The following DOCK6 variants were observed in gnomAD, a reference collection of about 807,000 sequenced individuals.
The protein encoded by DOCK6 is dedicator of cytokinesis protein 6.
In DOCK6, 167 loss-of-function variants were observed where a neutral mutation model predicts 230.3. That is an observed-to-expected ratio of 0.73 (90% CI 0.64 to 0.82). The LOEUF is 0.82. Ranked by LOEUF, DOCK6 falls within the 40% of genes least tolerant of loss-of-function variation. The probability of loss-of-function intolerance (pLI) is 0.00; values close to 1 mark genes in which losing one functional copy is unlikely to be tolerated. For missense variants in DOCK6, 2,598 were observed against 2,825.8 expected, an observed-to-expected ratio of 0.92 and a Z score of 1.83; for synonymous variants, 1,148 against 1,185.0, an observed-to-expected ratio of 0.97 and a Z score of 0.64.
rs551173892 is a variant in DOCK6, at chr19:11,247,940, A to G, written c.806+126T>C. On this transcript the variant is annotated intron_variant, in intron 7 of 47. Transcript: ENST00000294618. Reference sequence around the variant, plus strand: ...TCTTCCTTCCCCCATAAAAGCCCATACATAGGTGGCCACATAGGTGACAGG... The same window carrying G: ...TCTTCCTTCCCCCATAAAAGCCCATGCATAGGTGGCCACATAGGTGACAGG... The G allele has an allele frequency of 2.1e-5, 16 of 769,160 alleles. No homozygotes were observed. In the African/African-American group the frequency reaches 2.6e-4, roughly 12 times the overall value. The allele number at this position is 769,160 out of a possible 1,614,324, so 47.6% of individuals were successfully genotyped here. A position where few individuals can be genotyped will look rare whatever the true frequency, so the allele number is the denominator to read the frequency against.
intron 14 of DOCK6, among the ~76,000 whole-genome samples, chr19:11,239,146 G>C (rs2079898812): frequency 6.6e-6 from 1 of 152,068 alleles, no homozygotes; most frequent in African/African-American, 2.4e-5. Context: ...TTGGAGATCA[G>C]GCTGTGTGAC....
intron 14 of DOCK6, chr19:11,240,290 C>G (rs1218041215): frequency 6.3e-7 from 1 of 1,575,504 alleles, no homozygotes; most frequent in East Asian, 2.3e-5. Context: ...AATTTGAGGT[C>G]TTAAAGGTAA....
At position 11,221,917 on chromosome 19, in the gene DOCK6, C is replaced by T; in HGVS notation, c.3484G>A (p.Ala1162Thr). The T allele has an allele frequency of 3.1e-6, 5 of 1,613,436 alleles. No homozygotes were observed. The South Asian group carries it at 4.4e-5, about 14-fold the overall frequency. ...GATAGCAGTGGCAGGTACAGCTCGG[C>T]CACACGAGCCTTCACAGTGGCCTCG... is the stretch of plus-strand genomic sequence containing the variant. ...YAEATVKARV[A>T]ELYLPLLSIA... The change falls in exon 28 of 48, where the codon GCC (alanine) becomes ACC (threonine). Residue 1162 changes from alanine to threonine, a missense_variant. Physicochemically the swap from Ala to Thr is moderately conservative, Grantham distance 58. Transcript: ENST00000294618.
At chr19:11,241,376 T>G in intron 14 of DOCK6, 1 of 983,804 alleles carries the variant, frequency 1.0e-6, no homozygotes, top group Non-Finnish European at 1.6e-6. Flanking sequence ...AATGAGGGGC[T>G]GGGGCAGAGG....
chr19:11,236,979 C>G lies in DOCK6; in HGVS notation c.2074-100G>C. ...TTGCGACACTGCAGCGTGAGTGTAG[C>G]CCGGTCTGGGGGTGCAGCCAAGCAC... On this transcript the variant is annotated intron_variant, in intron 18 of 47. Transcript: ENST00000294618. This position sits in a 1 kb window ranked among gnomAD's most constrained non-coding sequence, Gnocchi z 5.2. 1.5e-6 allele frequency: 2 copies of G among 1,298,778 alleles called. No homozygotes were observed. Among genetic ancestry groups the G allele is most frequent in the Non-Finnish European group, 2.1e-6 (2 of 949,328 alleles). 80.5% of individuals were successfully genotyped at this position (1,298,778 alleles called of 1,614,324 possible). A position where few individuals can be genotyped will look rare whatever the true frequency, so the allele number is the denominator to read the frequency against.
intron 34 of DOCK6, among the ~76,000 whole-genome samples, chr19:11,214,002 C>G (rs1243932215): frequency 1.3e-5 from 2 of 151,544 alleles, no homozygotes; most frequent in Non-Finnish European, 2.9e-5. Context: ...AGGCTGGTCT[C>G]GAACTCCTAG....
At chr19:11,203,875 A>G in intron 41 of DOCK6, 1 of 644,962 alleles carries the variant, frequency 1.6e-6, no homozygotes, top group Non-Finnish European at 2.6e-6. Context: ...GGTGAGTCAC[A>G]AGCTGCCCTC....
intron 21 of DOCK6, among the ~76,000 whole-genome samples, chr19:11,233,970 G>T (rs879305041): frequency 5.3e-5 from 8 of 151,868 alleles, no homozygotes; most frequent in Non-Finnish European, 1.2e-4. Flanking sequence ...GAGTAGCTAG[G>T]ATTACAAGCA....
intron 33 of DOCK6, 64 bp from the exon 34 acceptor site, chr19:11,214,473 G>C: frequency 6.2e-7 from 1 of 1,613,610 alleles, no homozygotes; most frequent in Non-Finnish European, 8.5e-7. Flanking sequence ...GAAAGGGAAG[G>C]AGAGGGATTA....
At chr19:11,237,435 C>G (rs1054624555) in intron 18 of DOCK6, 21 bp downstream of exon 18, 1 of 1,613,112 alleles carries the variant, frequency 6.2e-7, no homozygotes, top group Admixed American at 1.7e-5. Context: ...CATTGGCAGG[C>G]AGGAGCTCCA....
At chr19:11,246,504 C>T (rs2080036892) in intron 7 of DOCK6, among the ~76,000 whole-genome samples, 1 of 152,048 alleles carries the variant, frequency 6.6e-6, no homozygotes, top group South Asian at 2.1e-4. Context: ...CCAGGCTGGT[C>T]CCACCCGCCT....
At chr19:11,228,185 A>G (rs2079701262) in intron 23 of DOCK6, among the ~76,000 whole-genome samples, 1 of 151,834 alleles carries the variant, frequency 6.6e-6, no homozygotes, top group African/African-American at 2.4e-5. Flanking sequence ...TAACTTTTGT[A>G]TTTTTAGTAG....
Position 11,242,193 on chromosome 19 carries a change from CG to C in DOCK6, c.1494del (p.Ile498MetfsTer80). 6.8e-7 allele frequency: 1 copy of C among 1,460,862 alleles called. No homozygotes were observed. Among genetic ancestry groups the C allele is most frequent in the East Asian group, 2.5e-5 (1 of 40,228 alleles). The allele number at this position is 1,460,862 out of a possible 1,614,324, so 90.5% of individuals were successfully genotyped here. ...RLRPVTAQLK[I>X]DISPAPENPH... ...GGATTTTCAGGAGCCGGAGAAATGT[CG>C]ATCTTGAGCTGGGCTGGGAAGGGAA... On this transcript the variant is annotated frameshift_variant, in exon 14 of 48. Transcript: ENST00000294618. LOFTEE classifies it high-confidence loss of function.
Position 11,221,838 on chromosome 19 carries a change from C to A in DOCK6, c.3550+13G>T. ...CTGGATCATGTGACCCCATCTTCCC[C>A]TGGCCCACTGACCAGCAAAGTCATG... On this transcript the variant is annotated intron_variant, in intron 28 of 47. Transcript: ENST00000294618. 1 of 1,613,658 alleles carries A rather than the reference C, an allele frequency of 6.2e-7. No individual in the cohort carries two copies. The highest frequency in any genetic ancestry group is 1.1e-5 in the South Asian group (1 of 91,074).
chr19:11,249,742 T>C (rs1238671297), intron 6 of DOCK6, among the ~76,000 whole-genome samples: 2 of 148,158 alleles, frequency 1.3e-5, no homozygotes, highest in African/African-American at 5.0e-5. Flanking sequence ...CTAAAAAAAA[T>C]ACAAAATTAG....
At position 11,204,347 on chromosome 19, in the gene DOCK6, G is replaced by A. The variant is rs774774905; in HGVS notation, c.5089-16C>T. 3 of 1,608,114 alleles carry A rather than the reference G, an allele frequency of 1.9e-6. No homozygotes were observed. In the South Asian group the frequency reaches 3.3e-5, roughly 18 times the overall value. On this transcript the variant is annotated splice_polypyrimidine_tract_variant and intron_variant, in intron 39 of 47. Coordinates refer to ENST00000294618, the MANE Select transcript of DOCK6 (RefSeq NM_020812.4). ...AGAGCCCGCCCTGAGGGTGAGGTGG[G>A]GTCAGGATTCCCCAAACTGTCTTCC...
intron 1 of DOCK6, among the ~76,000 whole-genome samples, chr19:11,259,285 C>A (rs2080245329): frequency 6.6e-6 from 1 of 152,070 alleles, no homozygotes; most frequent in African/African-American, 2.4e-5. Context: ...CTCCTGGCCT[C>A]CCAAAGTGGT....
At chr19:11,209,439 C>G (rs1226583806) in intron 37 of DOCK6, among the ~76,000 whole-genome samples, 1 of 151,924 alleles carries the variant, frequency 6.6e-6, no homozygotes, top group Non-Finnish European at 1.5e-5. Context: ...TCACGTGTAT[C>G]CTACTCACCT....
At chr19:11,248,559 C>T (rs527664955) in intron 6 of DOCK6, among the ~76,000 whole-genome samples, 2 of 152,100 alleles carry the variant, frequency 1.3e-5, no homozygotes, top group East Asian at 1.9e-4. Context: ...TGCAGCTTAG[C>T]CAACACTTCC....
Sources: gnomAD v4.1 joint callset for allele counts (sites outside exome capture counted in the v4.1 genomes callset) on GRCh38, gnomAD v4.1.1 for gene constraint, Gnocchi (gnomAD v3.1) non-coding constraint, MANE v1.5 for transcripts, NCBI Gene and HGNC (gene_info 2026-07-23, HGNC 2026-07-21) for gene names.